The following FHIT variants were observed in gnomAD, a reference collection of about 807,000 sequenced individuals.
FHIT encodes fragile histidine triad diadenosine triphosphatase, also known as bis(5'-adenosyl)-triphosphatase.
A neutral mutation model predicts 17.9 loss-of-function variants in FHIT; 19 were observed. That is an observed-to-expected ratio of 1.06 (90% CI 0.74 to 1.56). FHIT has a LOEUF of 1.56. Ranked by LOEUF, FHIT falls within the 40% of genes most tolerant of loss-of-function variation. The probability of loss-of-function intolerance (pLI) is 0.00; values close to 1 mark genes in which losing one functional copy is unlikely to be tolerated. For missense variants in FHIT, 248 were observed against 189.2 expected, an observed-to-expected ratio of 1.31 and a Z score of -1.82; for synonymous variants, 81 against 69.7, an observed-to-expected ratio of 1.16 and a Z score of -0.81.
intron 5 of FHIT, among the ~76,000 whole-genome samples, chr3:60,180,186 T>C (rs1376686154): frequency 6.6e-6 from 1 of 152,170 alleles, no homozygotes; most frequent in Non-Finnish European, 1.5e-5. Flanking sequence ...TATGAGATAA[T>C]GCTGAAGTGA....
At chr3:60,323,866 G>T (rs879356794) in intron 5 of FHIT, among the ~76,000 whole-genome samples, 4 of 152,182 alleles carry the variant, frequency 2.6e-5, no homozygotes, top group Admixed American at 6.5e-5. Context: ...CCCACGCTTT[G>T]TTATAAGGAA....
intron 5 of FHIT, among the ~76,000 whole-genome samples, chr3:60,332,653 C>T (rs1304773776): frequency 6.6e-6 from 1 of 152,116 alleles, no homozygotes; most frequent in Non-Finnish European, 1.5e-5. Flanking sequence ...TATTCTGTCC[C>T]TAGATGTGAA....
At chr3:59,914,968 C>G (rs1439427227) in intron 8 of FHIT, among the ~76,000 whole-genome samples, 1 of 152,182 alleles carries the variant, frequency 6.6e-6, no homozygotes, top group African/African-American at 2.4e-5. Flanking sequence ...TTATTAATAG[C>G]TATGTCAAGA....
intron 5 of FHIT, among the ~76,000 whole-genome samples, chr3:60,500,200 C>T (rs1163974978): frequency 1.3e-5 from 2 of 152,100 alleles, no homozygotes; most frequent in South Asian, 2.1e-4. Flanking sequence ...CCTGTTTGCC[C>T]GTTTACCAAT....
At chr3:60,642,683 A>C (rs1290098487) in intron 4 of FHIT, among the ~76,000 whole-genome samples, 1 of 152,162 alleles carries the variant, frequency 6.6e-6, no homozygotes, top group African/African-American at 2.4e-5. Flanking sequence ...TCACAGGTGG[A>C]AACAATCTCA....
Position 60,890,498 on chromosome 3 carries a change from T to C in FHIT, c.-110-68487A>G, listed in dbSNP as rs181066372. On this transcript the variant is annotated intron_variant, in intron 3 of 9. Transcript: ENST00000492590. ...TCACTGTTGGTTTAAGCAACAGAAGTTTTGAGGTAGTCTATTACACAGCAA... is the reference window on the plus strand; with the variant it reads ...TCACTGTTGGTTTAAGCAACAGAAGCTTTGAGGTAGTCTATTACACAGCAA... 3.3e-5 allele frequency among the ~76,000 whole-genome samples: 5 copies of C among 152,278 alleles called. No homozygotes were observed. In the East Asian group the frequency reaches 9.6e-4, roughly 29 times the overall value.
At chr3:60,516,672 T>C (rs1364306066) in intron 5 of FHIT, among the ~76,000 whole-genome samples, 2 of 152,226 alleles carry the variant, frequency 1.3e-5, no homozygotes, top group African/African-American at 4.8e-5. Flanking sequence ...GAGTGCTAAA[T>C]TAATATTTAT....
chr3:60,184,559 A>T (rs113768266), intron 5 of FHIT, among the ~76,000 whole-genome samples: 1 of 152,202 alleles, frequency 6.6e-6, no homozygotes, highest in African/African-American at 2.4e-5. Context: ...AGCAACGTCC[A>T]TATTATCAAC....
At chr3:60,048,983 G>T (rs181616274) in intron 5 of FHIT, among the ~76,000 whole-genome samples, 3 of 152,070 alleles carry the variant, frequency 2.0e-5, no homozygotes, top group Non-Finnish European at 4.4e-5. Flanking sequence ...ACTGAGTTGG[G>T]CAAGCTCCTT....
chr3:60,146,586 A>G (rs1168253301), intron 5 of FHIT, among the ~76,000 whole-genome samples: 1 of 152,184 alleles, frequency 6.6e-6, no homozygotes, highest in Non-Finnish European at 1.5e-5. Context: ...GGAATGAAGT[A>G]TTCTGATCAC....
rs148508792 is a variant in FHIT, at chr3:60,694,188, C to A, written c.-18+127731G>T. Among the ~76,000 whole-genome samples, 11 of 152,104 alleles carry A rather than the reference C, an allele frequency of 7.2e-5. No individual in the cohort carries two copies. In the East Asian group the frequency reaches 2.1e-3, roughly 29 times the overall value. On this transcript the variant is annotated intron_variant, in intron 4 of 9. Transcript: ENST00000492590. ...GGGTAAGGAACAGTAAGATGCTGACCTTTACTGTTTTCTCTGGGCATGATC... is the reference window on the plus strand; with the variant it reads ...GGGTAAGGAACAGTAAGATGCTGACATTTACTGTTTTCTCTGGGCATGATC...
intron 4 of FHIT, among the ~76,000 whole-genome samples, chr3:60,821,122 C>T (rs781791513): frequency 1.6e-4 from 24 of 152,014 alleles, no homozygotes; most frequent in Non-Finnish European, 2.8e-4. Context: ...ATTACAGACA[C>T]CTGCTACCAC....
At chr3:60,468,481 G>C (rs921552333) in intron 5 of FHIT, among the ~76,000 whole-genome samples, 1 of 151,746 alleles carries the variant, frequency 6.6e-6, no homozygotes, top group Non-Finnish European at 1.5e-5. Flanking sequence ...TTTTTGCTTT[G>C]AGTGTACTGT....
At chr3:60,357,536 C>T (rs1046912381) in intron 5 of FHIT, among the ~76,000 whole-genome samples, 6 of 152,246 alleles carry the variant, frequency 3.9e-5, no homozygotes, top group East Asian at 1.9e-4. Flanking sequence ...TGAGCCACCA[C>T]GCCCGGCCCA....
chr3:60,227,371 C>T (rs537902893), intron 5 of FHIT, among the ~76,000 whole-genome samples: 1 of 152,290 alleles, frequency 6.6e-6, no homozygotes, highest in East Asian at 1.9e-4. Flanking sequence ...CACCATCCCA[C>T]CTCTGAAAAT....
chr3:61,067,201 T>C (rs2034641975), intron 2 of FHIT, among the ~76,000 whole-genome samples: 1 of 152,162 alleles, frequency 6.6e-6, no homozygotes, highest in South Asian at 2.1e-4. Flanking sequence ...AAGTTGCTCA[T>C]AAAGTTTCTT....
intron 5 of FHIT, among the ~76,000 whole-genome samples, chr3:60,467,302 G>T (rs2032853436): frequency 6.6e-6 from 1 of 150,874 alleles, no homozygotes; most frequent in South Asian, 2.1e-4. Flanking sequence ...ACAACTTTTT[G>T]TTTCATTTAC....
At chr3:60,130,984 C>CAT (rs1453774563) in intron 5 of FHIT, among the ~76,000 whole-genome samples, 2 of 90,086 alleles carry the variant, frequency 2.2e-5, no homozygotes, top group African/African-American at 7.5e-5. Flanking sequence ...TATATATACA[C>CAT]ATATATACAC....
intron 5 of FHIT, among the ~76,000 whole-genome samples, chr3:60,353,832 A>C (rs1188104199): frequency 1.3e-5 from 2 of 152,160 alleles, no homozygotes; most frequent in African/African-American, 4.8e-5. Flanking sequence ...AGTAATTTTT[A>C]AAAATTTATA....
Sources: gnomAD v4.1 joint callset for allele counts (sites outside exome capture counted in the v4.1 genomes callset) on GRCh38, gnomAD v4.1.1 for gene constraint, MANE v1.5 for transcripts, NCBI Gene and HGNC (gene_info 2026-07-23, HGNC 2026-07-21) for gene names.